PDE11A: variants seen among roughly 807,000 people sequenced by gnomAD.
PDE11A encodes phosphodiesterase 11A, also known as dual 3',5'-cyclic-AMP and -GMP phosphodiesterase 11A.
A neutral mutation model predicts 100.5 loss-of-function variants in PDE11A; 100 were observed. The observed-to-expected ratio is 1.00, with a 90% confidence interval of 0.85 to 1.18. PDE11A has a LOEUF of 1.18. Among genes scored for constraint, PDE11A ranks in the 50% most tolerant of loss-of-function variants. The probability of loss-of-function intolerance (pLI) is 0.00; values close to 1 mark genes in which losing one functional copy is unlikely to be tolerated. For missense variants in PDE11A, 1,141 were observed against 1,152.6 expected, an observed-to-expected ratio of 0.99 and a Z score of 0.15; for synonymous variants, 381 against 420.8, an observed-to-expected ratio of 0.91 and a Z score of 1.16.
chr2:178,016,631 T>G (rs1214798243), intron 1 of PDE11A, among the ~76,000 whole-genome samples: 1 of 152,098 alleles, frequency 6.6e-6, no homozygotes, highest in Admixed American at 6.6e-5. Flanking sequence ...TATGAAGGAC[T>G]TATTTTTATA....
At chr2:177,787,191 C>T (rs963230106) in intron 9 of PDE11A, among the ~76,000 whole-genome samples, 22 of 146,596 alleles carry the variant, frequency 1.5e-4, no homozygotes, top group South Asian at 9.3e-4. Flanking sequence ...GCGGATCTCT[C>T]GGCAGAAACT....
chr2:177,917,789 C>A (rs762945600), intron 2 of PDE11A, among the ~76,000 whole-genome samples: 54 of 151,934 alleles, frequency 3.6e-4, no homozygotes, highest in Non-Finnish European at 7.1e-4. Context: ...ACTTATATAT[C>A]TTTTTTTTAA....
At chr2:177,918,808 T>C (rs1170273303) in intron 2 of PDE11A, among the ~76,000 whole-genome samples, 3 of 152,142 alleles carry the variant, frequency 2.0e-5, no homozygotes, top group African/African-American at 7.2e-5. Context: ...CTGAGTAAAA[T>C]AGTCACCACA....
chr2:178,086,432 A>T (rs2087356483), intron 2 of PDE11A, among the ~76,000 whole-genome samples: 1 of 152,204 alleles, frequency 6.6e-6, no homozygotes, highest in Non-Finnish European at 1.5e-5. Context: ...TGCACAATAA[A>T]TAAATATTTA....
At chr2:177,796,408 G>A (rs2082709112) in intron 9 of PDE11A, among the ~76,000 whole-genome samples, 1 of 152,120 alleles carries the variant, frequency 6.6e-6, no homozygotes, top group East Asian at 1.9e-4. Context: ...TACCTGCATG[G>A]GCTTCCCCCT....
At chr2:177,671,335 G>A (rs2080677422) in intron 17 of PDE11A, among the ~76,000 whole-genome samples, 1 of 152,110 alleles carries the variant, frequency 6.6e-6, no homozygotes, top group South Asian at 2.1e-4. Flanking sequence ...GGAACATTAA[G>A]TGGTTACTGA....
chr2:177,935,699 G>A (rs1285870325), intron 2 of PDE11A, among the ~76,000 whole-genome samples: 3 of 152,174 alleles, frequency 2.0e-5, no homozygotes, highest in Admixed American at 6.5e-5. Context: ...AGGATGCTCA[G>A]GGGCATGCCA....
chr2:177,875,505 G>C (rs13013052), intron 5 of PDE11A, among the ~76,000 whole-genome samples: 1 of 151,410 alleles, frequency 6.6e-6, no homozygotes. Context: ...AGCCTCCCAA[G>C]TAGCTGGGAC....
At chr2:177,674,324 G>T (rs1282224445) in intron 17 of PDE11A, among the ~76,000 whole-genome samples, 1 of 152,214 alleles carries the variant, frequency 6.6e-6, no homozygotes, top group African/African-American at 2.4e-5. Context: ...TTCTGTCATA[G>T]TTCTGGAGGC....
chr2:177,953,957 T>C (rs190872296), intron 2 of PDE11A, among the ~76,000 whole-genome samples: 1 of 152,208 alleles, frequency 6.6e-6, no homozygotes, highest in Non-Finnish European at 1.5e-5. Context: ...GAATATGTAA[T>C]TGGGCATCAA....
At chr2:177,968,479 G>A (rs1057000408) in intron 2 of PDE11A, among the ~76,000 whole-genome samples, 1 of 152,134 alleles carries the variant, frequency 6.6e-6, no homozygotes, top group African/African-American at 2.4e-5. Context: ...TAATTCTGAT[G>A]TTCTTCTAAG....
In PDE11A at chr2:177,626,739, G is replaced by A. The variant is rs1430521895; in HGVS notation, c.*2668C>T. On this transcript the variant is annotated 3_prime_UTR_variant, in exon 20 of 20. Transcript: ENST00000286063. Reference sequence around the variant, plus strand: ...CAGAGACAGCTGTAAAGGGTAGCTAGGAACATTATTTTTTAGGGCTCTCAC... The same window carrying A: ...CAGAGACAGCTGTAAAGGGTAGCTAAGAACATTATTTTTTAGGGCTCTCAC... The A allele has an allele frequency of 6.6e-6, 1 of 152,246 alleles. No homozygotes were observed. The highest frequency in any genetic ancestry group is 2.4e-5 in the African/African-American group (1 of 41,400). 9.4% of individuals were successfully genotyped at this position (152,246 alleles called of 1,614,324 possible).
chr2:177,704,087 G>T lies in PDE11A; in HGVS notation c.2154-2876C>A, dbSNP rs76219264. Among the ~76,000 whole-genome samples, 223 of 152,234 alleles carry T rather than the reference G, an allele frequency of 1.5e-3. 1 individual carries two copies. The highest frequency in any genetic ancestry group is 5.3e-3 in the African/African-American group (220 of 41,528). On this transcript the variant is annotated intron_variant, in intron 13 of 19. Transcript: ENST00000286063. ...ACCAGACTAATGCCATGAAAGTGTGGGGAGACTTTGTTATTCATTCATTCA... is the reference window on the plus strand; with the variant it reads ...ACCAGACTAATGCCATGAAAGTGTGTGGAGACTTTGTTATTCATTCATTCA...
rs1491246368 is a variant in PDE11A at position 177,631,551 on chromosome 2, A to AGTGTG, written c.2647-1990_2647-1989insCACAC. On this transcript the variant is annotated intron_variant, in intron 19 of 19. Coordinates refer to ENST00000286063, the MANE Select transcript of PDE11A (RefSeq NM_016953.4). ...TATATATATATATATATATATACAC[A>AGTGTG]TGTATATATATATATATACATGTAT... Among the ~76,000 whole-genome samples, 2 of 29,662 alleles carry AGTGTG rather than the reference A, an allele frequency of 6.7e-5. 1 individual carries two copies. The highest frequency in any genetic ancestry group is 2.5e-4 in the African/African-American group (2 of 7,848). 19.5% of individuals were successfully genotyped at this position (29,662 alleles called of 152,430 possible).
At chr2:178,076,105 C>T (rs1185246882), upstream of PDE11A, among the ~76,000 whole-genome samples, 1 of 152,088 alleles carries the variant, frequency 6.6e-6, no homozygotes, top group African/African-American at 2.4e-5. Flanking sequence ...TAGAATCCCC[C>T]AGGGCACTAT....
At chr2:177,713,053 G>C (rs940453125) in intron 12 of PDE11A, among the ~76,000 whole-genome samples, 1 of 151,972 alleles carries the variant, frequency 6.6e-6, no homozygotes, top group African/African-American at 2.4e-5. Context: ...CTATCACCCA[G>C]GCTGGAGTGC....
intron 9 of PDE11A, among the ~76,000 whole-genome samples, chr2:177,798,787 C>G (rs1220415664): frequency 6.6e-6 from 1 of 152,102 alleles, no homozygotes; most frequent in Admixed American, 6.5e-5. Context: ...ATATCCCATA[C>G]AAAAGAATTC....
At position 178,006,719 on chromosome 2, in the gene PDE11A, C is replaced by T. The variant is rs116825096; in HGVS notation, c.1071+7583G>A. The stretch of plus-strand genomic sequence containing the variant: ...AGCAGTTAATGTCAATGTATAACAA[C>T]TAAATAATTGAATGGGATTAAATTA... On this transcript the variant is annotated intron_variant, in intron 2 of 19. Coordinates refer to ENST00000286063, the MANE Select transcript of PDE11A (RefSeq NM_016953.4). Among the ~76,000 whole-genome samples, 946 of 151,130 alleles carry T rather than the reference C, an allele frequency of 6.3e-3. 6 individuals are homozygous for T. Among genetic ancestry groups the T allele is most frequent in the African/African-American group, 0.022 (905 of 41,118 alleles).
In PDE11A at chr2:178,008,840, C is replaced by T. The variant is rs73972658; in HGVS notation, c.1071+5462G>A. On this transcript the variant is annotated intron_variant, in intron 2 of 19. Coordinates refer to ENST00000286063, the MANE Select transcript of PDE11A (RefSeq NM_016953.4). Reference sequence around the variant, plus strand: ...GCTGCATCCCAGCTTTATGGGGTGGCGGAACATGTCGGCATGAAGGAGAGC... The same window carrying T: ...GCTGCATCCCAGCTTTATGGGGTGGTGGAACATGTCGGCATGAAGGAGAGC... Among the ~76,000 whole-genome samples, 1,378 of 152,132 alleles carry T rather than the reference C, an allele frequency of 9.1e-3. 16 individuals carry two copies. The highest frequency in any genetic ancestry group is 0.029 in the African/African-American group (1,198 of 41,490).
Sources: allele counts gnomAD v4.1 joint callset (sites outside exome capture counted in the v4.1 genomes callset), GRCh38; gene constraint gnomAD v4.1.1; transcripts MANE v1.5; gene names NCBI Gene and HGNC (gene_info 2026-07-23, HGNC 2026-07-21).